BCAS1: variants seen among roughly 807,000 people sequenced by gnomAD.
The protein encoded by BCAS1 is brain enriched myelin associated protein 1, also known as breast carcinoma-amplified sequence 1.
A neutral mutation model predicts 65.4 loss-of-function variants in BCAS1; 46 were observed. That is an observed-to-expected ratio of 0.70 (90% CI 0.55 to 0.90). The LOEUF is 0.90. Ranked by LOEUF, BCAS1 falls within the 40% of genes least tolerant of loss-of-function variation. The probability of loss-of-function intolerance (pLI) is 0.00; values close to 1 mark genes in which losing one functional copy is unlikely to be tolerated. For missense variants in BCAS1, 793 were observed against 771.2 expected, an observed-to-expected ratio of 1.03 and a Z score of -0.33; for synonymous variants, 298 against 293.5, an observed-to-expected ratio of 1.02 and a Z score of -0.16.
chr20:53,974,229 C>A (rs554355553), intron 9 of BCAS1, among the ~76,000 whole-genome samples: 2 of 152,196 alleles, frequency 1.3e-5, no homozygotes, highest in Admixed American at 1.3e-4. Context: ...CAGCCACAAC[C>A]CGCTTGGGTC....
At chr20:54,008,907 G>T (rs62207386) in intron 4 of BCAS1, among the ~76,000 whole-genome samples, 8,135 of 151,758 alleles carry the variant, frequency 0.054, 316 homozygotes, top group Non-Finnish European at 0.08. Flanking sequence ...TCTGCCTACC[G>T]GGTTCAAGCA....
At chr20:53,995,329 A>G (rs897253745) in intron 5 of BCAS1, among the ~76,000 whole-genome samples, 2 of 152,208 alleles carry the variant, frequency 1.3e-5, no homozygotes, top group African/African-American at 2.4e-5. Context: ...CAGACTTCCA[A>G]TAAATTTTAC....
rs1257068143 is a variant in BCAS1, at chr20:54,028,867, T to C, written c.248A>G (p.Glu83Gly). Residue 83 changes from glutamate to glycine, a missense_variant, in exon 4 of 13, where the codon GAG (glutamate) becomes GGG (glycine). Glu to Gly is a moderately conservative substitution (Grantham distance 98). Transcript: ENST00000688948. ...ADANGKNLGK[E>G]AKPEAPAAKS... ...AGCAGCTGGTGCCTCGGGTTTGGCC[T>C]CTTTCCCAAGATTCTTTCCGTTGGC... 1.2e-6 allele frequency: 2 copies of C among 1,613,936 alleles called. No individual in the cohort carries two copies. The highest frequency in any genetic ancestry group is 2.2e-5 in the East Asian group (1 of 44,870).
chr20:53,978,855 A>C (rs1291614099), intron 8 of BCAS1, among the ~76,000 whole-genome samples: 1 of 152,238 alleles, frequency 6.6e-6, no homozygotes, highest in African/African-American at 2.4e-5. Context: ...ATCAGGTACA[A>C]ATTCAGTGTT....
intron 3 of BCAS1, chr20:54,029,268 A>C (rs1227359193): frequency 5.1e-6 from 5 of 978,428 alleles, no homozygotes; most frequent in Admixed American, 1.2e-4. Context: ...TCTGTGTAAG[A>C]ACTCCGTGAG....
intron 3 of BCAS1, among the ~76,000 whole-genome samples, chr20:54,043,709 C>G (rs550989621): frequency 1.3e-5 from 2 of 152,236 alleles, no homozygotes; most frequent in South Asian, 4.1e-4. Context: ...GGCCCCACCC[C>G]CAGGGAAGGG....
intron 3 of BCAS1, among the ~76,000 whole-genome samples, chr20:54,048,225 G>C (rs1468027099): frequency 6.6e-6 from 1 of 152,160 alleles, no homozygotes; most frequent in Non-Finnish European, 1.5e-5. Flanking sequence ...AATGTCTTTT[G>C]AAAGGCCAGA....
intron 4 of BCAS1, among the ~76,000 whole-genome samples, chr20:54,017,227 T>C (rs1208252721): frequency 6.6e-6 from 1 of 152,092 alleles, no homozygotes; most frequent in Non-Finnish European, 1.5e-5. Flanking sequence ...GTAAGTGAAT[T>C]TGTCAACTTG....
At chr20:53,964,804 T>G (rs1397257020) in intron 10 of BCAS1, among the ~76,000 whole-genome samples, 1 of 152,032 alleles carries the variant, frequency 6.6e-6, no homozygotes, top group Non-Finnish European at 1.5e-5. Flanking sequence ...TAGAGGTTTT[T>G]TTTTTTTTCA....
At chr20:54,044,405 G>A (rs2092058176) in intron 3 of BCAS1, among the ~76,000 whole-genome samples, 1 of 152,194 alleles carries the variant, frequency 6.6e-6, no homozygotes, top group African/African-American at 2.4e-5. Flanking sequence ...CTCAACAGCA[G>A]TTGCATGACA....
At chr20:54,013,179 A>G (rs1250607978) in intron 4 of BCAS1, among the ~76,000 whole-genome samples, 3 of 152,232 alleles carry the variant, frequency 2.0e-5, no homozygotes, top group Non-Finnish European at 4.4e-5. Flanking sequence ...TAAAGATGAT[A>G]CCTAAAATCT....
intron 4 of BCAS1, among the ~76,000 whole-genome samples, chr20:54,002,513 G>A (rs1248580613): frequency 3.9e-5 from 6 of 152,194 alleles, no homozygotes; most frequent in African/African-American, 7.2e-5. Context: ...CTACAGGTGA[G>A]TTCGTTTTTG....
At chr20:53,982,484 A>G (rs2090508145) in intron 8 of BCAS1, among the ~76,000 whole-genome samples, 1 of 152,218 alleles carries the variant, frequency 6.6e-6, no homozygotes, top group Non-Finnish European at 1.5e-5. Context: ...TGTTCTGGGA[A>G]AAATTCATTT....
At chr20:54,004,127 T>A (rs530930178) in intron 4 of BCAS1, among the ~76,000 whole-genome samples, 1 of 152,246 alleles carries the variant, frequency 6.6e-6, no homozygotes, top group South Asian at 2.1e-4. Flanking sequence ...TATTAGGAGG[T>A]GGGGCCTTGG....
chr20:53,956,580 G>A (rs1324534795), intron 11 of BCAS1, among the ~76,000 whole-genome samples: 2 of 152,066 alleles, frequency 1.3e-5, no homozygotes, highest in East Asian at 1.9e-4. Flanking sequence ...AACCCCATAA[G>A]GAAGTACTTT....
At chr20:54,060,046 C>T (rs1568932956) in intron 1 of BCAS1, among the ~76,000 whole-genome samples, 1 of 152,136 alleles carries the variant, frequency 6.6e-6, no homozygotes, top group Non-Finnish European at 1.5e-5. Flanking sequence ...AATCCACAAA[C>T]GAGGTTGTTT....
In BCAS1 at chr20:53,962,386, T is replaced by A. The variant is rs2089904862; in HGVS notation, c.1485+4520A>T. Among the ~76,000 whole-genome samples, 4 of 152,190 alleles carry A rather than the reference T, an allele frequency of 2.6e-5. No individual in the cohort carries two copies. The South Asian group carries it at 8.3e-4, about 31-fold the overall frequency. ...CTGAGAACATTATTCCAACAAAGAT[T>A]TTCTTACAAATCTAATGGTCCAAAG... On this transcript the variant is annotated intron_variant, in intron 10 of 12. Transcript: ENST00000688948.
chr20:54,051,063 C>T (rs752620667), intron 3 of BCAS1, among the ~76,000 whole-genome samples: 1 of 152,122 alleles, frequency 6.6e-6, no homozygotes. Context: ...AAGGAGCAGC[C>T]GTCATTCTCC....
At position 53,985,284 on chromosome 20, in the gene BCAS1, TA is replaced by T. The variant is rs773058281; in HGVS notation, c.1275+2del. The T allele has an allele frequency of 5.0e-6, 8 of 1,612,644 alleles. No homozygotes were observed. Among genetic ancestry groups the T allele is most frequent in the Middle Eastern group, 2.0e-4 (1 of 5,120 alleles). On this transcript the variant is annotated splice_donor_variant, in intron 8 of 12. Transcript: ENST00000688948. LOFTEE classifies it high-confidence loss of function. ...CTCTCTAACGCTTGAAAATCAGACT[TA>T]CCTTTTTCCAAAACAGTTTGCCCAG...
Sources: gnomAD v4.1 joint callset for allele counts (sites outside exome capture counted in the v4.1 genomes callset) on GRCh38, gnomAD v4.1.1 for gene constraint, MANE v1.5 for transcripts, NCBI Gene and HGNC (gene_info 2026-07-23, HGNC 2026-07-21) for gene names.